SGCZ: variants seen among roughly 807,000 people sequenced by gnomAD.
SGCZ encodes zeta-sarcoglycan.
A neutral mutation model predicts 41.3 loss-of-function variants in SGCZ; 40 were observed. The observed-to-expected ratio is 0.97, with a 90% CI of 0.75 to 1.26. The LOEUF (loss-of-function observed/expected upper bound fraction) is 1.26, where lower values mean the gene tolerates loss of function less well. Among genes scored for constraint, SGCZ ranks in the 50% most tolerant of loss-of-function variants. The pLI, the probability that SGCZ is intolerant of heterozygous loss-of-function variation, is 0.00. For missense variants in SGCZ, 552 were observed against 369.8 expected (o/e 1.49, Z -4.04); for synonymous variants, 206 against 137.5 (o/e 1.50, Z -3.49).
At position 14,112,252 on chromosome 8, in the gene SGCZ, T is replaced by C. The variant is rs558197260; in HGVS notation, c.548-4017A>G. On this transcript the variant is annotated intron_variant, in intron 5 of 7. Coordinates refer to ENST00000382080, the MANE Select transcript of SGCZ (RefSeq NM_139167.4). ...TTTATTTTTCCAATAAAATCAACTA[T>C]GATCATGAATTTTTTGAGTTTTTTT... 3.0e-4 allele frequency among the ~76,000 whole-genome samples: 44 copies of C among 144,286 alleles called. No individual in the cohort carries two copies. In the East Asian group the frequency reaches 8.4e-3, roughly 28 times the overall value. 94.7% of individuals were successfully genotyped at this position (144,286 alleles called of 152,430 possible). A position where few individuals can be genotyped will look rare whatever the true frequency, so the allele number is the denominator to read the frequency against.
In SGCZ at chr8:14,520,292, A is replaced by C. The variant is rs1201172192; in HGVS notation, c.234+34440T>G. Reference sequence around the variant, plus strand: ...TCTGGCAGCCATAGGGTTTCTAATCATGGCCTCAACACAGGAATTTTTTGT... The same window carrying C: ...TCTGGCAGCCATAGGGTTTCTAATCCTGGCCTCAACACAGGAATTTTTTGT... On this transcript the variant is annotated intron_variant, in intron 2 of 7. Coordinates refer to ENST00000382080, the MANE Select transcript of SGCZ (RefSeq NM_139167.4). 2.0e-5 allele frequency among the ~76,000 whole-genome samples: 3 copies of C among 152,296 alleles called. No homozygotes were observed. The East Asian group carries it at 5.8e-4, about 29-fold the overall frequency.
intron 1 of SGCZ, among the ~76,000 whole-genome samples, chr8:15,138,478 G>C (rs1808199164): frequency 6.6e-6 from 1 of 152,068 alleles, no homozygotes; most frequent in Non-Finnish European, 1.5e-5. Context: ...ATCTCATCTT[G>C]AATTGTAGCT....
At position 14,577,457 on chromosome 8, in the gene SGCZ, C is replaced by T. The variant is rs906830297; in HGVS notation, c.40-22531G>A. On this transcript the variant is annotated intron_variant, in intron 1 of 7. Coordinates refer to ENST00000382080, the MANE Select transcript of SGCZ (RefSeq NM_139167.4). ...AGGCTGGAGTATAGTGGCGCAATCT[C>T]GGTTCACTGCAACCTCTGCCTCCCA... is the stretch of plus-strand genomic sequence containing the variant. Among the ~76,000 whole-genome samples, 7 of 144,080 alleles carry T rather than the reference C, an allele frequency of 4.9e-5. No homozygotes were observed. In the Admixed American group the frequency reaches 5.0e-4, roughly 10 times the overall value. 94.5% of individuals were successfully genotyped at this position (144,080 alleles called of 152,430 possible).
chr8:15,006,112 T>C (rs1324002971), intron 1 of SGCZ, among the ~76,000 whole-genome samples: 1 of 152,216 alleles, frequency 6.6e-6, no homozygotes, highest in Non-Finnish European at 1.5e-5. Flanking sequence ...GTATTTTATA[T>C]TTATGCATTG....
At chr8:14,279,084 T>C (rs1800334118) in intron 3 of SGCZ, among the ~76,000 whole-genome samples, 2 of 152,082 alleles carry the variant, frequency 1.3e-5, no homozygotes, top group Non-Finnish European at 2.9e-5. Context: ...CTATATAATT[T>C]AATCTTAATT....
intron 1 of SGCZ, among the ~76,000 whole-genome samples, chr8:14,765,660 A>G (rs1800014514): frequency 6.6e-6 from 1 of 152,234 alleles, no homozygotes; most frequent in African/African-American, 2.4e-5. Context: ...AGCAAGAAAC[A>G]TAAAATTACA....
chr8:14,098,079 T>A (rs908653143), intron 7 of SGCZ, among the ~76,000 whole-genome samples: 4 of 152,198 alleles, frequency 2.6e-5, no homozygotes, highest in Non-Finnish European at 5.9e-5. Flanking sequence ...TCCTACCATG[T>A]TTAACCCTGT....
rs369151522 is a variant in SGCZ, at chr8:14,604,924, A to G, written c.40-49998T>C. ...GTTACTACAGAGATTAAATTAATGA[A>G]TGACAAATTTCAAAGTGCTCTATTT... On this transcript the variant is annotated intron_variant, in intron 1 of 7. Transcript: ENST00000382080. 7.2e-5 allele frequency among the ~76,000 whole-genome samples: 11 copies of G among 152,190 alleles called. No homozygotes were observed. In the East Asian group the frequency reaches 2.1e-3, roughly 29 times the overall value.
chr8:14,956,343 T>A (rs544385148), intron 1 of SGCZ, among the ~76,000 whole-genome samples: 5 of 152,258 alleles, frequency 3.3e-5, no homozygotes, highest in Admixed American at 3.3e-4. Flanking sequence ...TGGCCTACTT[T>A]TATTTTTAAT....
At chr8:14,612,558 T>A (rs1805963535) in intron 1 of SGCZ, among the ~76,000 whole-genome samples, 1 of 152,190 alleles carries the variant, frequency 6.6e-6, no homozygotes, top group Non-Finnish European at 1.5e-5. Context: ...AAGCTTGGAT[T>A]AGTCAGAACC....
Position 14,989,486 on chromosome 8 carries a change from T to C in SGCZ, c.39+248099A>G, listed in dbSNP as rs1336185008. Among the ~76,000 whole-genome samples, 7 of 152,056 alleles carry C rather than the reference T, an allele frequency of 4.6e-5. No homozygotes were observed. In the East Asian group the frequency reaches 1.4e-3, roughly 29 times the overall value. Reference sequence around the variant, plus strand: ...GTGTGATAAAGCAAGACCAGTCCTCTAAATACTAATAGTAAAAAAATAAAG... The same window carrying C: ...GTGTGATAAAGCAAGACCAGTCCTCCAAATACTAATAGTAAAAAAATAAAG... On this transcript the variant is annotated intron_variant, in intron 1 of 7. Transcript: ENST00000382080.
intron 2 of SGCZ, among the ~76,000 whole-genome samples, chr8:14,549,248 T>A (rs913570326): frequency 6.6e-6 from 1 of 152,064 alleles, no homozygotes; most frequent in African/African-American, 2.4e-5. Flanking sequence ...TTCAAAGGAC[T>A]GTACTTTCAC....
At chr8:14,572,750 GAACAAGCTCCAAAAATGTAACATACTC>G (rs371499050) in intron 1 of SGCZ, among the ~76,000 whole-genome samples, 4,633 of 152,112 alleles carry the variant, frequency 0.03, 97 homozygotes, top group Non-Finnish European at 0.047. Flanking sequence ...TTTTAGTAAT[GAACAAGCTCCAAAAATGTAACATACTC>G]AACAAGCTCC....
At chr8:14,551,474 TATATA>T (rs1563404156) in intron 2 of SGCZ, among the ~76,000 whole-genome samples, 1 of 3,630 alleles carries the variant, frequency 2.8e-4, no homozygotes, top group African/African-American at 6.9e-4. Flanking sequence ...TTATATATAT[TATATA>T]TTATATATAT....
At position 15,078,147 on chromosome 8, in the gene SGCZ, CTTTTTTTTTTTTTT is replaced by C. The variant is rs34411963; in HGVS notation, c.39+159424_39+159437del. ...TGACAGCCTGTTGGCAGGAACTCTT[CTTTTTTTTTTTTTT>C]TTTTTTTTTTTTTTTGCGTAATGAA... is the stretch of plus-strand genomic sequence containing the variant. On this transcript the variant is annotated intron_variant, in intron 1 of 7. Transcript: ENST00000382080. Among the ~76,000 whole-genome samples, 55 of 44,808 alleles carry C rather than the reference CTTTTTTTTTTTTTT, an allele frequency of 1.2e-3. 1 individual carries two copies. In the South Asian group the frequency reaches 0.025, roughly 20 times the overall value. The allele number at this position is 44,808 out of a possible 152,430, so 29.4% of individuals were successfully genotyped here.
chr8:14,417,679 T>A (rs1335869745), intron 2 of SGCZ, among the ~76,000 whole-genome samples: 1 of 151,890 alleles, frequency 6.6e-6, no homozygotes, highest in African/African-American at 2.4e-5. Flanking sequence ...TAATAACGTA[T>A]TGTACTCTTG....
intron 1 of SGCZ, among the ~76,000 whole-genome samples, chr8:15,179,741 A>T (rs1196010295): frequency 2.6e-5 from 4 of 152,340 alleles, no homozygotes; most frequent in African/African-American, 7.2e-5. Context: ...CTGCCAATTT[A>T]ATCAGAGGAG....
intron 1 of SGCZ, among the ~76,000 whole-genome samples, chr8:15,121,900 CAAAA>C (rs55783598): frequency 7.9e-6 from 1 of 126,306 alleles, no homozygotes. Flanking sequence ...CGGCAGTTAC[CAAAA>C]AAAAAAAAAA....
chr8:15,153,430 CCAGA>C, intron 1 of SGCZ, among the ~76,000 whole-genome samples: 1 of 152,264 alleles, frequency 6.6e-6, no homozygotes, highest in South Asian at 2.1e-4. Flanking sequence ...AGACAGCTTG[CCAGA>C]CAGAGAGACA....
Sources: gnomAD v4.1 joint callset for allele counts (sites outside exome capture counted in the v4.1 genomes callset) on GRCh38, gnomAD v4.1.1 for gene constraint, MANE v1.5 for transcripts, NCBI Gene and HGNC (gene_info 2026-07-23, HGNC 2026-07-21) for gene names.